The following SV2C variants were observed in gnomAD, a reference collection of about 807,000 sequenced individuals.
The protein encoded by SV2C is synaptic vesicle glycoprotein 2C, also known as solute carrier family 22 member B3.
A neutral mutation model predicts 79.7 loss-of-function variants in SV2C; 49 were observed. The ratio of observed to expected loss-of-function variants is 0.61; its 90% confidence interval spans 0.49 to 0.78. The LOEUF is 0.78. Among genes scored for constraint, SV2C ranks in the 30% least tolerant of loss-of-function variants. SV2C has a pLI of 0.00. For missense variants in SV2C, 833 were observed against 912.9 expected (o/e 0.91, Z 1.13); for synonymous variants, 334 against 333.2 (o/e 1.00, Z -0.03).
intron 1 of SV2C, among the ~76,000 whole-genome samples, chr5:76,093,759 T>G (rs116599897): frequency 0.015 from 2,220 of 152,254 alleles, 56 homozygotes; most frequent in African/African-American, 0.046. Flanking sequence ...TCTGAATTCT[T>G]ATCACAAGGC....
intron 4 of SV2C, among the ~76,000 whole-genome samples, chr5:76,237,619 G>A (rs190417407): frequency 6.6e-6 from 1 of 152,098 alleles, no homozygotes; most frequent in Admixed American, 6.6e-5. Flanking sequence ...GAAGTAGGTT[G>A]CTGTTGTTAT....
At chr5:76,165,963 G>T (rs1490336076) in intron 2 of SV2C, among the ~76,000 whole-genome samples, 1 of 152,126 alleles carries the variant, frequency 6.6e-6, no homozygotes, top group Non-Finnish European at 1.5e-5. Context: ...GGCATGCCCA[G>T]AATCAACTCC....
intron 12 of SV2C, among the ~76,000 whole-genome samples, chr5:76,314,791 T>G (rs543232230): frequency 6.6e-6 from 1 of 152,006 alleles, no homozygotes; most frequent in South Asian, 2.1e-4. Flanking sequence ...CCCCTCCCAG[T>G]AGGTGTGGGA....
the SV2C span, among the ~76,000 whole-genome samples, chr5:76,000,379 T>TC: frequency 6.6e-6 from 1 of 152,102 alleles, no homozygotes; most frequent in African/African-American, 2.4e-5. Flanking sequence ...CCTGGGATAT[T>TC]CCCCACGTGA....
intron 12 of SV2C, among the ~76,000 whole-genome samples, chr5:76,303,548 AG>A (rs1216674875): frequency 1.3e-5 from 2 of 152,180 alleles, no homozygotes; most frequent in Non-Finnish European, 2.9e-5. Context: ...GTATACTATA[AG>A]AGTGTGATAC....
intron 8 of SV2C, among the ~76,000 whole-genome samples, chr5:76,295,190 G>T (rs1027172970): frequency 4.6e-5 from 7 of 152,208 alleles, no homozygotes; most frequent in Non-Finnish European, 7.3e-5. Flanking sequence ...CCAAGCTCAA[G>T]CTGCTGGCAG....
chr5:76,295,691 T>C, intron 8 of SV2C, 87 bp from the exon 9 acceptor site: 1 of 1,343,544 alleles, frequency 7.4e-7, no homozygotes, highest in Non-Finnish European at 1.0e-6. Flanking sequence ...CTCCGGGAAC[T>C]ATTACCAGTC....
At chr5:76,336,352 G>T (rs965260161), downstream of SV2C, among the ~76,000 whole-genome samples, 4 of 151,458 alleles carry the variant, frequency 2.6e-5, no homozygotes, top group African/African-American at 9.7e-5. Context: ...GGGAAGAGGC[G>T]CTCCTCACTT....
chr5:76,187,994 C>T (rs1743973619), intron 2 of SV2C, among the ~76,000 whole-genome samples: 3 of 152,158 alleles, frequency 2.0e-5, no homozygotes, highest in Non-Finnish European at 4.4e-5. Context: ...TGCAGTGACT[C>T]ATGCCTGTAA....
At position 76,194,996 on chromosome 5, in the gene SV2C, T is replaced by G. The variant is rs751192851; in HGVS notation, c.658T>G (p.Ser220Ala). The change falls in exon 3 of 13, where the codon TCT (serine) becomes GCT (alanine). Residue 220 changes from serine to alanine, a missense_variant. Transcript: ENST00000502798. ...GLADKVGRKQ[S>A]LLICMSVNGF... ...GGCAGACAAAGTGGGAAGGAAACAG[T>G]CTCTTCTGATTTGCATGTCTGTCAA... 1.2e-6 allele frequency: 2 copies of G among 1,614,048 alleles called. No homozygotes were observed. The highest frequency in any genetic ancestry group is 1.7e-6 in the Non-Finnish European group (2 of 1,179,932).
the SV2C span, among the ~76,000 whole-genome samples, chr5:75,893,048 A>G: frequency 6.6e-6 from 1 of 152,268 alleles, no homozygotes; most frequent in East Asian, 1.9e-4. Flanking sequence ...CCAAACATGT[A>G]TAAGCATCCG....
At chr5:75,971,598 C>T in the SV2C span, among the ~76,000 whole-genome samples, 1 of 152,004 alleles carries the variant, frequency 6.6e-6, no homozygotes, top group African/African-American at 2.4e-5. Flanking sequence ...GAATAACATA[C>T]CTAGGAATCT....
At chr5:76,098,374 C>A (rs1369175659) in intron 1 of SV2C, among the ~76,000 whole-genome samples, 1 of 152,148 alleles carries the variant, frequency 6.6e-6, no homozygotes, top group African/African-American at 2.4e-5. Context: ...GATTTAAGGG[C>A]AATTCAGAAG....
At chr5:75,849,580 A>T in the SV2C span, among the ~76,000 whole-genome samples, 1 of 152,224 alleles carries the variant, frequency 6.6e-6, no homozygotes, top group African/African-American at 2.4e-5. Context: ...TTTCAATCTT[A>T]CCTGAGCTTT....
At chr5:75,929,086 A>C in the SV2C span, among the ~76,000 whole-genome samples, 1 of 152,044 alleles carries the variant, frequency 6.6e-6, no homozygotes, top group Admixed American at 6.6e-5. Context: ...CAAATCATTA[A>C]AAAGTTCCCT....
At chr5:75,971,114 A>T in the SV2C span, among the ~76,000 whole-genome samples, 1 of 152,134 alleles carries the variant, frequency 6.6e-6, no homozygotes, top group Non-Finnish European at 1.5e-5. Context: ...GCCTTTGACA[A>T]AATTCAACAA....
intron 4 of SV2C, among the ~76,000 whole-genome samples, chr5:76,222,165 T>C (rs1419066998): frequency 1.3e-5 from 2 of 152,166 alleles, no homozygotes; most frequent in Non-Finnish European, 2.9e-5. Context: ...CTCCTGGGTG[T>C]TTATCCCAGA....
chr5:76,347,197 G>A (rs1361852360), intron 12 of SV2C, among the ~76,000 whole-genome samples: 2 of 152,188 alleles, frequency 1.3e-5, no homozygotes, highest in African/African-American at 2.4e-5. Flanking sequence ...TTGAGGCAAA[G>A]GACAGGGCCT....
At chr5:75,866,120 G>A in the SV2C span, among the ~76,000 whole-genome samples, 1 of 152,274 alleles carries the variant, frequency 6.6e-6, no homozygotes, top group Non-Finnish European at 1.5e-5. Context: ...GGTGAGAATG[G>A]AAAGAAAGAC....
Sources: allele counts gnomAD v4.1 joint callset (sites outside exome capture counted in the v4.1 genomes callset), GRCh38; gene constraint gnomAD v4.1.1; transcripts MANE v1.5; gene names NCBI Gene and HGNC (gene_info 2026-07-23, HGNC 2026-07-21).